DLC1: variants seen among roughly 807,000 people sequenced by gnomAD.
The protein encoded by DLC1 is rho GTPase-activating protein 7.
A neutral mutation model predicts 140.3 loss-of-function variants in DLC1; 54 were observed. The ratio of observed to expected loss-of-function variants is 0.38; its 90% CI spans 0.31 to 0.48. The LOEUF (loss-of-function observed/expected upper bound fraction) is 0.48, where lower values mean the gene tolerates loss of function less well. Among genes scored for constraint, DLC1 ranks in the 20% least tolerant of loss-of-function variants. DLC1 has a pLI of 0.96. For synonymous variants in DLC1, 986 were observed against 728.1 expected (o/e 1.35, Z -5.70); for missense variants, 2,536 against 1,907.0 (o/e 1.33, Z -6.14).
At chr8:13,478,877 G>C (rs1475148013) in intron 2 of DLC1, among the ~76,000 whole-genome samples, 1 of 152,138 alleles carries the variant, frequency 6.6e-6, no homozygotes, top group African/African-American at 2.4e-5. Context: ...CTGAAAATAA[G>C]CAGATGCTCC....
intron 4 of DLC1, among the ~76,000 whole-genome samples, chr8:13,336,360 A>T (rs954931864): frequency 1.3e-4 from 20 of 152,234 alleles, no homozygotes; most frequent in African/African-American, 4.8e-4. Context: ...ATGTAATAAA[A>T]TAATATTTGT....
At chr8:13,534,115 C>T (rs979672433) in intron 1 of DLC1, among the ~76,000 whole-genome samples, 3 of 152,126 alleles carry the variant, frequency 2.0e-5, no homozygotes, top group Admixed American at 1.3e-4. Flanking sequence ...TCTAATTTCC[C>T]TCCAATCTGT....
At chr8:13,187,795 C>T (rs186989987) in intron 5 of DLC1, among the ~76,000 whole-genome samples, 8 of 152,164 alleles carry the variant, frequency 5.3e-5, no homozygotes, top group Admixed American at 3.3e-4. Context: ...ATATTCACTG[C>T]ATGTTGGACT....
chr8:13,387,705 A>G (rs1334188281), intron 4 of DLC1, among the ~76,000 whole-genome samples: 2 of 152,122 alleles, frequency 1.3e-5, no homozygotes, highest in African/African-American at 4.8e-5. Context: ...AATGCAAATG[A>G]CATTTTATAG....
chr8:13,520,768 G>A (rs1244735594), intron 1 of DLC1, among the ~76,000 whole-genome samples: 1 of 152,128 alleles, frequency 6.6e-6, no homozygotes, highest in Non-Finnish European at 1.5e-5. Flanking sequence ...AGCCATGCAA[G>A]ATTTTGTTTA....
At chr8:13,505,374 A>G (rs1802010992) in intron 1 of DLC1, among the ~76,000 whole-genome samples, 1 of 152,180 alleles carries the variant, frequency 6.6e-6, no homozygotes, top group South Asian at 2.1e-4. Flanking sequence ...GTACAATCAT[A>G]TTGTTTAGAA....
At position 13,580,608 on chromosome 8, in the gene DLC1, C is replaced by A. The variant is rs543807173; in HGVS notation, c.-126+23929G>T. ...TGCAGAGGTGAGATGGACTCCCATG[C>A]AAAATATAGCTGAGATGACAAAACT... On this transcript the variant is annotated intron_variant, in intron 1 of 1. Coordinates refer to the DLC1 transcript ENST00000631382. 6.6e-5 allele frequency among the ~76,000 whole-genome samples: 10 copies of A among 152,208 alleles called. No individual in the cohort carries two copies. In the East Asian group the frequency reaches 1.9e-3, roughly 29 times the overall value.
At chr8:13,370,274 G>A (rs776301639) in intron 4 of DLC1, among the ~76,000 whole-genome samples, 1 of 151,676 alleles carries the variant, frequency 6.6e-6, no homozygotes, top group Non-Finnish European at 1.5e-5. Flanking sequence ...AACAAAACAG[G>A]GATTTAAAAA....
intron 2 of DLC1, among the ~76,000 whole-genome samples, chr8:13,496,345 T>C (rs1010692720): frequency 6.6e-6 from 1 of 152,170 alleles, no homozygotes; most frequent in Non-Finnish European, 1.5e-5. Context: ...TCAGCTTATA[T>C]ACTAAATATT....
upstream of DLC1, among the ~76,000 whole-genome samples, chr8:13,519,542 A>C (rs978598925): frequency 5.3e-5 from 8 of 152,188 alleles, no homozygotes; most frequent in Admixed American, 6.5e-5. Flanking sequence ...TTTTTGATCA[A>C]TTTTGTCACA....
At chr8:13,296,582 G>A (rs1044469876) in intron 5 of DLC1, among the ~76,000 whole-genome samples, 18 of 152,166 alleles carry the variant, frequency 1.2e-4, no homozygotes, top group Non-Finnish European at 2.1e-4. Flanking sequence ...ATAGACCTGA[G>A]ATTAGCTGAA....
chr8:13,352,181 G>A (rs143974079), intron 4 of DLC1, among the ~76,000 whole-genome samples: 17 of 152,324 alleles, frequency 1.1e-4, no homozygotes, highest in African/African-American at 4.1e-4. Context: ...CTTGTTGGCA[G>A]CCACATGGTG....
At chr8:13,392,885 C>T (rs1250010399) in intron 4 of DLC1, among the ~76,000 whole-genome samples, 3 of 152,032 alleles carry the variant, frequency 2.0e-5, no homozygotes, top group Admixed American at 2.0e-4. Flanking sequence ...AATGACAGTA[C>T]CTTACATTTA....
At chr8:13,397,007 A>G (rs1837073589) in intron 3 of DLC1, among the ~76,000 whole-genome samples, 1 of 150,054 alleles carries the variant, frequency 6.7e-6, no homozygotes, top group Non-Finnish European at 1.5e-5. Flanking sequence ...GACTCCATCT[A>G]TCAGTGTTAC....
At chr8:13,088,380 G>A (rs913205593) in intron 16 of DLC1, 107 bp downstream of exon 16, 30 of 1,301,898 alleles carry the variant, frequency 2.3e-5, no homozygotes, top group African/African-American at 8.9e-5. Flanking sequence ...CCATATGCCC[G>A]GCCTCTACTT....
At chr8:13,544,417 G>C (rs1803588343) in intron 1 of DLC1, among the ~76,000 whole-genome samples, 1 of 152,076 alleles carries the variant, frequency 6.6e-6, no homozygotes, top group South Asian at 2.1e-4. Context: ...GATCAATTTG[G>C]TTATGAGGTT....
chr8:13,590,616 T>A (rs912958901), intron 1 of DLC1, among the ~76,000 whole-genome samples: 4 of 152,104 alleles, frequency 2.6e-5, no homozygotes, highest in Admixed American at 2.0e-4. Flanking sequence ...TCCAAAATAC[T>A]CTGGGAGCTT....
chr8:13,229,666 AAG>A (rs146976808), intron 5 of DLC1, among the ~76,000 whole-genome samples: 7 of 150,286 alleles, frequency 4.7e-5, no homozygotes, highest in Non-Finnish European at 7.4e-5. Context: ...AGAGAGAGAG[AAG>A]AGAGAGAGAG....
At position 13,083,400 on chromosome 8, in the gene DLC1, G is replaced by A. The variant is rs977593504; in HGVS notation, c.*2411C>T. 6.6e-6 allele frequency: 1 copy of A among 151,996 alleles called. No individual in the cohort carries two copies. Among genetic ancestry groups the A allele is most frequent in the African/African-American group, 2.4e-5 (1 of 41,366 alleles). The allele number at this position is 151,996 out of a possible 1,614,324, so 9.4% of individuals were successfully genotyped here. On this transcript the variant is annotated 3_prime_UTR_variant, in exon 18 of 18. Coordinates refer to ENST00000276297, the MANE Select transcript of DLC1 (RefSeq NM_182643.3). The stretch of plus-strand genomic sequence containing the variant: ...TAATAAATTTATTAGGTGCCTACAA[G>A]TACAAAATACTGAAAGCCGCTGCAG...
Sources: gnomAD v4.1 joint callset for allele counts (sites outside exome capture counted in the v4.1 genomes callset) on GRCh38, gnomAD v4.1.1 for gene constraint, MANE v1.5 for transcripts, NCBI Gene and HGNC (gene_info 2026-07-23, HGNC 2026-07-21) for gene names.